Variants in LRP1B observed in about 807,000 individuals in gnomAD.
The protein encoded by LRP1B is LDL receptor related protein 1B.
In LRP1B, 217 loss-of-function variants were observed where a neutral mutation model predicts 556.6. That is an observed-to-expected ratio of 0.39 (90% CI 0.35 to 0.44). The LOEUF is 0.44. LRP1B is among the 20% of genes least tolerant of loss of function. LRP1B has a pLI of 1.00. For missense variants in LRP1B, 5,053 were observed against 5,620.8 expected, an observed-to-expected ratio of 0.90 and a Z score of 3.23; for synonymous variants, 2,047 against 1,865.8, an observed-to-expected ratio of 1.10 and a Z score of -2.50.
intron 84 of LRP1B, among the ~76,000 whole-genome samples, chr2:140,279,447 TTAA>T (rs1326717771): frequency 6.6e-6 from 1 of 151,940 alleles, no homozygotes; most frequent in Non-Finnish European, 1.5e-5. Context: ...GAATGCCAGT[TTAA>T]TTTTTCTCTC....
At chr2:141,502,801 G>A (rs980028300) in intron 2 of LRP1B, among the ~76,000 whole-genome samples, 1 of 151,206 alleles carries the variant, frequency 6.6e-6, no homozygotes, top group Non-Finnish European at 1.5e-5. Flanking sequence ...GGAGGTTGTA[G>A]TGAGCCAAGA....
chr2:141,470,163 ATC>A (rs1682406826), intron 3 of LRP1B, among the ~76,000 whole-genome samples: 1 of 152,180 alleles, frequency 6.6e-6, no homozygotes, highest in Non-Finnish European at 1.5e-5. Context: ...ACTTTGAGAA[ATC>A]TCTCTTTATT....
chr2:141,357,190 G>A (rs890805831), intron 3 of LRP1B, among the ~76,000 whole-genome samples: 17 of 152,074 alleles, frequency 1.1e-4, no homozygotes, highest in African/African-American at 3.9e-4. Context: ...CGAGTAGCTG[G>A]GACTACAGGC....
At chr2:140,552,428 A>G (rs1282095394) in intron 43 of LRP1B, among the ~76,000 whole-genome samples, 1 of 152,080 alleles carries the variant, frequency 6.6e-6, no homozygotes, top group Non-Finnish European at 1.5e-5. Flanking sequence ...GAGAGAGGAG[A>G]AAAAAATATT....
intron 1 of LRP1B, among the ~76,000 whole-genome samples, chr2:141,885,104 T>C (rs1466192390): frequency 2.0e-5 from 3 of 152,236 alleles, no homozygotes; most frequent in African/African-American, 4.8e-5. Flanking sequence ...ATTTAAATTG[T>C]GATGTGCTTA....
At chr2:140,570,090 A>C (rs6430925) in intron 43 of LRP1B, among the ~76,000 whole-genome samples, 1 of 151,712 alleles carries the variant, frequency 6.6e-6, no homozygotes, top group African/African-American at 2.4e-5. Context: ...GTAGAAAGAT[A>C]TCAAATTAAC....
chr2:140,906,086 C>T (rs1264151967), intron 22 of LRP1B, among the ~76,000 whole-genome samples: 1 of 152,084 alleles, frequency 6.6e-6, no homozygotes, highest in Non-Finnish European at 1.5e-5. Context: ...TTTCATTGTT[C>T]TAAGTCTTCA....
chr2:140,827,441 A>T (rs541226808), intron 31 of LRP1B, among the ~76,000 whole-genome samples: 2 of 152,168 alleles, frequency 1.3e-5, no homozygotes, highest in East Asian at 3.9e-4. Flanking sequence ...TTAAAAATCA[A>T]ACAGAAATCT....
At chr2:142,121,274 A>T (rs768334056) in intron 1 of LRP1B, among the ~76,000 whole-genome samples, 15 of 152,158 alleles carry the variant, frequency 9.9e-5, no homozygotes, top group Non-Finnish European at 2.2e-4. Context: ...TTTTCAGACC[A>T]AGCATGATCT....
At chr2:140,959,358 A>T (rs1255492097) in intron 18 of LRP1B, among the ~76,000 whole-genome samples, 2 of 151,666 alleles carry the variant, frequency 1.3e-5, no homozygotes, top group Non-Finnish European at 3.0e-5. Flanking sequence ...ACTGAATAGG[A>T]GATTCAAGTT....
intron 22 of LRP1B, among the ~76,000 whole-genome samples, chr2:140,904,062 T>A (rs1393807302): frequency 6.6e-6 from 1 of 152,038 alleles, no homozygotes; most frequent in Non-Finnish European, 1.5e-5. Flanking sequence ...AATTGTAAGC[T>A]CCATGAGGGT....
intron 3 of LRP1B, among the ~76,000 whole-genome samples, chr2:141,329,911 T>C (rs1419625873): frequency 6.6e-6 from 1 of 152,168 alleles, no homozygotes; most frequent in African/African-American, 2.4e-5. Flanking sequence ...TGAATTTGTG[T>C]CTACCTACTC....
intron 1 of LRP1B, among the ~76,000 whole-genome samples, chr2:142,027,026 G>C (rs1001617443): frequency 5.9e-5 from 9 of 152,002 alleles, no homozygotes; most frequent in African/African-American, 2.2e-4. Context: ...ACTTGTAGCA[G>C]CTAGAAAAGA....
At chr2:141,852,839 T>C (rs901866759) in intron 1 of LRP1B, among the ~76,000 whole-genome samples, 3 of 151,168 alleles carry the variant, frequency 2.0e-5, no homozygotes, top group African/African-American at 2.4e-5. Flanking sequence ...AGAAAACCAG[T>C]ACATATTGTT....
intron 51 of LRP1B, among the ~76,000 whole-genome samples, chr2:140,514,374 T>C (rs1221360546): frequency 6.6e-6 from 1 of 151,854 alleles, no homozygotes; most frequent in African/African-American, 2.4e-5. Flanking sequence ...CAATCATTGA[T>C]ATTTGCTTCA....
At chr2:141,538,549 G>A (rs545423694) in intron 2 of LRP1B, among the ~76,000 whole-genome samples, 126 of 151,990 alleles carry the variant, frequency 8.3e-4, no homozygotes, top group African/African-American at 2.9e-3. Flanking sequence ...ATACAGATGG[G>A]CCAGTGATTA....
intron 1 of LRP1B, among the ~76,000 whole-genome samples, chr2:141,811,226 A>G (rs922243445): frequency 6.6e-6 from 1 of 152,090 alleles, no homozygotes; most frequent in African/African-American, 2.4e-5. Context: ...TGTTTCTTAC[A>G]GTCATGGTCT....
At chr2:141,608,762 C>T (rs541024940) in intron 2 of LRP1B, among the ~76,000 whole-genome samples, 1 of 152,214 alleles carries the variant, frequency 6.6e-6, no homozygotes, top group South Asian at 2.1e-4. Flanking sequence ...ATATAGGACA[C>T]TTTATTGTAA....
Position 140,741,688 on chromosome 2 carries a change from A to C in LRP1B, c.5759-24872T>G, listed in dbSNP as rs188815512. On this transcript the variant is annotated intron_variant, in intron 35 of 90. Coordinates refer to ENST00000389484, the MANE Select transcript of LRP1B (RefSeq NM_018557.3). ...GTCTATTGTTCTCTTCTCTGTATCCATATGTACTCAATGTTTAACTCCCAA... is the reference window on the plus strand; with the variant it reads ...GTCTATTGTTCTCTTCTCTGTATCCCTATGTACTCAATGTTTAACTCCCAA... Among the ~76,000 whole-genome samples, 6 of 151,736 alleles carry C rather than the reference A, an allele frequency of 4.0e-5. No homozygotes were observed. The East Asian group carries it at 1.2e-3, about 30-fold the overall frequency.
Sources: gnomAD v4.1 joint callset for allele counts (sites outside exome capture counted in the v4.1 genomes callset) on GRCh38, gnomAD v4.1.1 for gene constraint, MANE v1.5 for transcripts, NCBI Gene and HGNC (gene_info 2026-07-23, HGNC 2026-07-21) for gene names.